XKR5: variants seen among roughly 807,000 people sequenced by gnomAD.
The protein encoded by XKR5 is XK-related protein 5.
Under a neutral mutation model 40.8 loss-of-function variants are expected in XKR5, and 46 were observed. The ratio of observed to expected loss-of-function variants is 1.13; its 90% CI spans 0.89 to 1.44. The LOEUF is 1.44. Among genes scored for constraint, XKR5 ranks in the 40% most tolerant of loss-of-function variants. XKR5 has a pLI of 0.00. For synonymous variants in XKR5, 466 were observed against 356.1 expected (o/e 1.31, Z -3.48); for missense variants, 1,169 against 844.7 (o/e 1.38, Z -4.76).
rs1803938022 is a variant in XKR5 at position 6,815,913 on chromosome 8, C to T, written c.813G>A (p.Met271Ile). 1 of 1,596,874 alleles carries T rather than the reference C, an allele frequency of 6.3e-7. No individual in the cohort carries two copies. The highest frequency in any genetic ancestry group is 8.5e-7 in the Non-Finnish European group (1 of 1,171,670). Residue 271 changes from methionine (M) to isoleucine (I), a missense_variant, in exon 6 of 7, where the codon ATG (methionine) becomes ATA (isoleucine). Coordinates refer to ENST00000618742, the MANE Select transcript of XKR5 (RefSeq NM_207411.5). ...GCAACAGGATGATGTTCTCCAACAGCATGACCTGCGGGACCCAGGACAGAG... is the reference window on the plus strand; with the variant it reads ...GCAACAGGATGATGTTCTCCAACAGTATGACCTGCGGGACCCAGGACAGAG... Reference protein sequence around the residue: ...RNRMVTFYMVMLLENIILLLL... With the variant: ...RNRMVTFYMVILLENIILLLL...
intron 2 of XKR5, among the ~76,000 whole-genome samples, chr8:6,830,390 G>T (rs1359342850): frequency 6.6e-6 from 1 of 152,198 alleles, no homozygotes; most frequent in African/African-American, 2.4e-5. Flanking sequence ...TCAGGATGAG[G>T]AATGGATCCA....
intron 6 of XKR5, among the ~76,000 whole-genome samples, chr8:6,813,077 G>C (rs915264272): frequency 3.3e-5 from 5 of 152,204 alleles, no homozygotes; most frequent in Non-Finnish European, 7.3e-5. Context: ...CACAAAACCT[G>C]AAGTAATGCC....
At chr8:6,822,089 G>A (rs1477877228) in intron 4 of XKR5, 51 bp from the exon 5 acceptor site, 9 of 1,520,028 alleles carry the variant, frequency 5.9e-6, no homozygotes, top group Non-Finnish European at 8.0e-6. Flanking sequence ...GAGATGGGGG[G>A]ACAGGCAAGG....
intron 2 of XKR5, among the ~76,000 whole-genome samples, chr8:6,832,172 C>A (rs1300873614): frequency 6.6e-6 from 1 of 152,176 alleles, no homozygotes. Flanking sequence ...CAGCCCTCAC[C>A]TGTCGTGATG....
At chr8:6,813,448 C>T (rs1803824401) in intron 6 of XKR5, among the ~76,000 whole-genome samples, 4 of 152,112 alleles carry the variant, frequency 2.6e-5, no homozygotes, top group Non-Finnish European at 4.4e-5. Flanking sequence ...TTCCAGAGGC[C>T]ATGTGGTTTG....
chr8:6,828,573 C>T lies in XKR5; in HGVS notation c.243-3224G>A, dbSNP rs574037298. ...AGGGAAGCCGGGGAGGAAGCTGAGG[C>T]GGGATGGAGAGCGTGGGGATTTGGT... On this transcript the variant is annotated intron_variant, in intron 2 of 6. Transcript: ENST00000618742. 2.2e-4 allele frequency among the ~76,000 whole-genome samples: 33 copies of T among 152,256 alleles called. No homozygotes were observed. The South Asian group carries it at 2.7e-3, about 12-fold the overall frequency.
intron 5 of XKR5, among the ~76,000 whole-genome samples, chr8:6,819,954 T>A (rs988976478): frequency 1.3e-5 from 2 of 152,050 alleles, no homozygotes. Context: ...GTAAATTATT[T>A]ATTTATCTTT....
At chr8:6,814,255 G>C (rs1214097325) in intron 6 of XKR5, among the ~76,000 whole-genome samples, 2 of 152,178 alleles carry the variant, frequency 1.3e-5, no homozygotes, top group Non-Finnish European at 2.9e-5. Flanking sequence ...GCCCGTCCAT[G>C]GGTCGACGAT....
At chr8:6,830,977 C>A (rs1426597012) in intron 2 of XKR5, among the ~76,000 whole-genome samples, 2 of 152,164 alleles carry the variant, frequency 1.3e-5, no homozygotes, top group Non-Finnish European at 2.9e-5. Context: ...TCCACACAGC[C>A]TCAGAAGGCA....
In XKR5 at chr8:6,832,250, C is replaced by G. The variant is rs187947345; in HGVS notation, c.242+467G>C. On this transcript the variant is annotated intron_variant, in intron 2 of 6. Coordinates refer to ENST00000618742, the MANE Select transcript of XKR5 (RefSeq NM_207411.5). ...CCTGGCTACTTCTTTAGAGAAAAAA[C>G]TAGCCCTGGCATCCAAATGACTTTT... Among the ~76,000 whole-genome samples the G allele has an allele frequency of 1.3e-3, 197 of 151,400 alleles. No homozygotes were observed. The Middle Eastern group carries it at 0.02, about 16-fold the overall frequency.
intron 3 of XKR5, 112 bp from the exon 4 acceptor site, chr8:6,823,842 GC>G: frequency 2.1e-6 from 2 of 938,342 alleles, no homozygotes; most frequent in Admixed American, 2.1e-5. Flanking sequence ...TCTTGTTAAA[GC>G]CTGGCTGCAC....
At chr8:6,824,818 G>A (rs532686676) in intron 3 of XKR5, among the ~76,000 whole-genome samples, 17 of 152,228 alleles carry the variant, frequency 1.1e-4, no homozygotes, top group African/African-American at 3.6e-4. Context: ...ACTTGTGCCC[G>A]GCCAAGAATT....
chr8:6,832,280 G>C (rs1587205535), intron 2 of XKR5, among the ~76,000 whole-genome samples: 1 of 152,174 alleles, frequency 6.6e-6, no homozygotes, highest in South Asian at 2.1e-4. Context: ...ACTTTTTCCT[G>C]AGACGAAGTC....
At position 6,808,543 on chromosome 8, in the gene XKR5, G is replaced by C. The variant is rs896809546; in HGVS notation, c.*2655C>G. On this transcript the variant is annotated 3_prime_UTR_variant, in exon 7 of 7. Coordinates refer to ENST00000618742, the MANE Select transcript of XKR5 (RefSeq NM_207411.5). ...TTTTGAATTAAGTGTCCATTTATTA[G>C]TCTTCTCTAATAAATATAGTGTATA... 6.6e-6 allele frequency: 1 copy of C among 152,130 alleles called. No homozygotes were observed. Among genetic ancestry groups the C allele is most frequent in the Admixed American group, 6.5e-5 (1 of 15,274 alleles). 9.4% of individuals were successfully genotyped at this position (152,130 alleles called of 1,614,324 possible).
chr8:6,831,169 G>T (rs574973269), intron 2 of XKR5, among the ~76,000 whole-genome samples: 17 of 152,304 alleles, frequency 1.1e-4, no homozygotes, highest in African/African-American at 3.1e-4. Flanking sequence ...AGCCCTTAAG[G>T]ATTGATTACT....
intron 5 of XKR5, among the ~76,000 whole-genome samples, chr8:6,817,476 A>C (rs1804015520): frequency 6.6e-6 from 1 of 151,964 alleles, no homozygotes; most frequent in Admixed American, 6.6e-5. Flanking sequence ...AGAACTCCAG[A>C]CTCAGCACAT....
rs375350026 is a variant in XKR5 at position 6,832,779 on chromosome 8, G to A, written c.180C>T (p.Asp60=). 24 of 1,613,112 alleles carry A rather than the reference G, an allele frequency of 1.5e-5. No homozygotes were observed. The highest frequency in any genetic ancestry group is 1.6e-4 in the Middle Eastern group (1 of 6,082). Reference sequence around the variant, plus strand: ...TCAAGGAGCAATGCCCTGGATGCCCGTCTGCTCGGAACCACAGGTAGCTCA... The same window carrying A: ...TCAAGGAGCAATGCCCTGGATGCCCATCTGCTCGGAACCACAGGTAGCTCA... ...QALSYLWFRA[D]GHPGHCSLMM... Residue 60 remains aspartate (D), a synonymous_variant, in exon 2 of 7, where the codon GAC becomes GAT. Transcript: ENST00000618742.
Position 6,812,248 on chromosome 8 carries a change from T to C in XKR5, c.1011A>G (p.Ala337=). The change falls in exon 7 of 7, where the codon GCA becomes GCG. Residue 337 remains alanine (A), a synonymous_variant. Coordinates refer to ENST00000618742, the MANE Select transcript of XKR5 (RefSeq NM_207411.5). ...CTCTTCTCTCTGTTTTATCACCTCC[T>C]GCAATGCCACAGGACTTCCTTAGGC... ...QGCLRKSCGI[A]GGDKTERRDS... is the part of the protein sequence containing the mutation. The C allele has an allele frequency of 3.2e-6, 5 of 1,553,096 alleles. No homozygotes were observed. Among genetic ancestry groups the C allele is most frequent in the Non-Finnish European group, 4.4e-6 (5 of 1,147,414 alleles).
At chr8:6,827,850 G>C (rs1189642219) in intron 2 of XKR5, among the ~76,000 whole-genome samples, 1 of 152,180 alleles carries the variant, frequency 6.6e-6, no homozygotes, top group Non-Finnish European at 1.5e-5. Flanking sequence ...AGGATTGCTT[G>C]AGCTTGGGAG....
Sources: allele counts gnomAD v4.1 joint callset (sites outside exome capture counted in the v4.1 genomes callset), GRCh38; gene constraint gnomAD v4.1.1; transcripts MANE v1.5; gene names NCBI Gene and HGNC (gene_info 2026-07-23, HGNC 2026-07-21).